Variants in PCDHGA10 observed in about 807,000 individuals in gnomAD.
PCDHGA10 encodes protocadherin gamma subfamily A, 10, also known as protocadherin gamma-A10.
A neutral mutation model predicts 59.5 loss-of-function variants in PCDHGA10; 42 were observed. That is an observed-to-expected ratio of 0.71 (90% CI 0.55 to 0.91). PCDHGA10 has a LOEUF of 0.91. PCDHGA10 is among the 40% of genes least tolerant of loss of function. The probability of loss-of-function intolerance (pLI) is 0.00; values close to 1 mark genes in which losing one functional copy is unlikely to be tolerated. For synonymous variants in PCDHGA10, 511 were observed against 517.2 expected (o/e 0.99, Z 0.16); for missense variants, 1,111 against 1,198.2 (o/e 0.93, Z 1.07).
chr5:141,471,112 G>A (rs1442344944), intron 1 of PCDHGA10, among the ~76,000 whole-genome samples: 3 of 147,914 alleles, frequency 2.0e-5, no homozygotes, highest in Non-Finnish European at 4.4e-5. Flanking sequence ...GCAGTGGTGC[G>A]ATCTTACCTT....
chr5:141,443,274 A>G (rs1259320198), intron 1 of PCDHGA10, among the ~76,000 whole-genome samples: 12 of 151,534 alleles, frequency 7.9e-5, no homozygotes, highest in African/African-American at 1.7e-4. Context: ...TGAGCCCAGG[A>G]GTTTGAGACC....
In PCDHGA10 at chr5:141,503,604, A is replaced by G. The variant is rs189211439; in HGVS notation, c.2496-1789A>G. 5.2e-3 allele frequency among the ~76,000 whole-genome samples: 793 copies of G among 151,946 alleles called. 3 individuals carry two copies. The highest frequency in any genetic ancestry group is 8.3e-3 in the Non-Finnish European group (566 of 67,924). On this transcript the variant is annotated intron_variant, in intron 2 of 3. Coordinates refer to ENST00000398610, the MANE Select transcript of PCDHGA10 (RefSeq NM_018913.3). ...ACAGAGCGAGACTCCAGCTCAAAAA[A>G]AAAAAAAAAAGAAAAAAGAAAAGAA...
In PCDHGA10 at chr5:141,491,707, G is replaced by A. The variant is rs1337506934; in HGVS notation, c.2437-3100G>A. ...GCTGCGGGAGCGGAGCCAGGTGAGG[G>A]GCTCGGCGCCGCCCCGGGCGACCCC... On this transcript the variant is annotated intron_variant, in intron 1 of 3. Transcript: ENST00000398610. The surrounding 1 kb of genome is among the most constrained non-coding windows in gnomAD (Gnocchi z 6.9). The A allele has an allele frequency of 6.2e-6, 10 of 1,610,604 alleles. No homozygotes were observed. Among genetic ancestry groups the A allele is most frequent in the Admixed American group, 1.7e-5 (1 of 59,554 alleles).
At chr5:141,441,747 G>A in intron 1 of PCDHGA10, 2 of 372,470 alleles carry the variant, frequency 5.4e-6, no homozygotes, top group Non-Finnish European at 5.4e-6. Flanking sequence ...CGCGCTCGGC[G>A]TCAACGTGAG....
At chr5:141,509,153 C>G (rs2099875485) in intron 3 of PCDHGA10, among the ~76,000 whole-genome samples, 2 of 152,190 alleles carry the variant, frequency 1.3e-5, no homozygotes, top group Non-Finnish European at 2.9e-5. Context: ...CGGCTCTCCC[C>G]TCCCGTGTGC....
intron 1 of PCDHGA10, chr5:141,478,259 T>G: frequency 6.2e-7 from 1 of 1,614,182 alleles, no homozygotes. Context: ...AGTAATCATA[T>G]TCAAAGTTTA....
rs561499055 is a variant in PCDHGA10 at position 141,423,745 on chromosome 5, C to G, written c.2436+8134C>G. 10 of 605,688 alleles carry G rather than the reference C, an allele frequency of 1.7e-5. No individual in the cohort carries two copies. The East Asian group carries it at 3.1e-4, about 19-fold the overall frequency. The allele number at this position is 605,688 out of a possible 1,614,324, so 37.5% of individuals were successfully genotyped here. A position where few individuals can be genotyped will look rare whatever the true frequency, so the allele number is the denominator to read the frequency against. The stretch of plus-strand genomic sequence containing the variant: ...ATGTTTTTTGAGCCTGTTATGAAAA[C>G]TGTTTGGGGGGGGGGTGGGGCGGCA... On this transcript the variant is annotated intron_variant, in intron 1 of 3. Coordinates refer to ENST00000398610, the MANE Select transcript of PCDHGA10 (RefSeq NM_018913.3).
At position 141,489,425 on chromosome 5, in the gene PCDHGA10, G is replaced by C. The variant is rs779739693; in HGVS notation, c.2437-5382G>C. On this transcript the variant is annotated intron_variant, in intron 1 of 3. Transcript: ENST00000398610. This position sits in a 1 kb window ranked among gnomAD's most constrained non-coding sequence, Gnocchi z 4.5. ...TTAAAGATGACAGATCTGTTGAGCC[G>C]GCGGCTGCAATTGGGCTCTGAGGAG... The C allele has an allele frequency of 4.3e-6, 7 of 1,614,118 alleles. No individual in the cohort carries two copies. The highest frequency in any genetic ancestry group is 1.1e-5 in the South Asian group (1 of 91,070).
chr5:141,472,132 A>C (rs1004365239), intron 1 of PCDHGA10, among the ~76,000 whole-genome samples: 3 of 152,272 alleles, frequency 2.0e-5, no homozygotes, highest in African/African-American at 7.2e-5. Flanking sequence ...GAGAAGTTAA[A>C]AATAAAAGTT....
Position 141,476,214 on chromosome 5 carries a change from T to C in PCDHGA10, c.2437-18593T>C, listed in dbSNP as rs768153063. 1 of 1,613,974 alleles carries C rather than the reference T, an allele frequency of 6.2e-7. No homozygotes were observed. Among genetic ancestry groups the C allele is most frequent in the African/African-American group, 1.3e-5 (1 of 74,990 alleles). ...GCCTTGAACAAGGCTTCCACGGTCA[T>C]TCACTATGAGATCCCGGAGGAAAGA... On this transcript the variant is annotated intron_variant, in intron 1 of 3. Coordinates refer to ENST00000398610, the MANE Select transcript of PCDHGA10 (RefSeq NM_018913.3). The surrounding 1 kb of genome is among the most constrained non-coding windows in gnomAD (Gnocchi z 7.6).
In PCDHGA10 at chr5:141,476,432, G is replaced by A. The variant is rs139089802; in HGVS notation, c.2437-18375G>A. 15 of 1,614,116 alleles carry A rather than the reference G, an allele frequency of 9.3e-6. No individual in the cohort carries two copies. The East Asian group carries it at 3.3e-4, about 36-fold the overall frequency. Reference sequence around the variant, plus strand: ...GTGTGGGACACTGCCCTCTTGCACTGTAACTCTGGAGTTGGTAGTGGAGAA... The same window carrying A: ...GTGTGGGACACTGCCCTCTTGCACTATAACTCTGGAGTTGGTAGTGGAGAA... On this transcript the variant is annotated intron_variant, in intron 1 of 3. Coordinates refer to ENST00000398610, the MANE Select transcript of PCDHGA10 (RefSeq NM_018913.3). The surrounding 1 kb of genome is among the most constrained non-coding windows in gnomAD (Gnocchi z 7.6).
intron 1 of PCDHGA10, among the ~76,000 whole-genome samples, chr5:141,438,581 TACATAC>T (rs2097977343): frequency 4.0e-5 from 2 of 49,846 alleles, no homozygotes; most frequent in Non-Finnish European, 6.5e-5. Flanking sequence ...TATACATACA[TACATAC>T]ATACATATAT....
rs2099425622 is a variant in PCDHGA10, at chr5:141,477,947, T to C, written c.2437-16860T>C. Reference sequence around the variant, plus strand: ...CAATGCCTGGCTCTCCTACAGTCTCTTGGGATCCCCTAACCAGAGCCTTTT... The same window carrying C: ...CAATGCCTGGCTCTCCTACAGTCTCCTGGGATCCCCTAACCAGAGCCTTTT... On this transcript the variant is annotated intron_variant, in intron 1 of 3. Coordinates refer to ENST00000398610, the MANE Select transcript of PCDHGA10 (RefSeq NM_018913.3). The surrounding 1 kb of genome is among the most constrained non-coding windows in gnomAD (Gnocchi z 4.9). 1.9e-6 allele frequency: 3 copies of C among 1,614,132 alleles called. No homozygotes were observed. Among genetic ancestry groups the C allele is most frequent in the Non-Finnish European group, 2.5e-6 (3 of 1,180,018 alleles).
intron 2 of PCDHGA10, among the ~76,000 whole-genome samples, chr5:141,504,748 T>A (rs979724181): frequency 7.2e-5 from 11 of 151,880 alleles, no homozygotes; most frequent in Non-Finnish European, 1.3e-4. Context: ...CCATTGAATT[T>A]TAGAAATTTC....
intron 1 of PCDHGA10, chr5:141,479,339 G>GTA (rs1298553162): frequency 1.3e-5 from 2 of 152,644 alleles, no homozygotes; most frequent in East Asian, 3.8e-4. Context: ...GTGTGCACCT[G>GTA]TAGTTCTTGC....
In PCDHGA10 at chr5:141,486,858, C is replaced by T. The variant is rs2099636039; in HGVS notation, c.2437-7949C>T. The T allele has an allele frequency of 2.5e-6, 4 of 1,614,246 alleles. No homozygotes were observed. The highest frequency in any genetic ancestry group is 1.1e-5 in the South Asian group (1 of 91,088). On this transcript the variant is annotated intron_variant, in intron 1 of 3. Transcript: ENST00000398610. The surrounding 1 kb of genome is among the most constrained non-coding windows in gnomAD (Gnocchi z 5.0). ...TTTGTGCTGGACCTCAATGACAATGCTCCAGCTGTGCTCCGTCCTCGGGCC... is the reference window on the plus strand; with the variant it reads ...TTTGTGCTGGACCTCAATGACAATGTTCCAGCTGTGCTCCGTCCTCGGGCC...
In PCDHGA10 at chr5:141,489,375, G is replaced by A. The variant is rs768190252; in HGVS notation, c.2437-5432G>A. The A allele has an allele frequency of 1.2e-5, 19 of 1,613,826 alleles. No individual in the cohort carries two copies. The Admixed American group carries it at 3.2e-4, about 27-fold the overall frequency. ...AGGAGTCTGAGCCGGGGACGCTGGT[G>A]GGGAATGTTGCTCAGGATCTGGGCT... On this transcript the variant is annotated intron_variant, in intron 1 of 3. Transcript: ENST00000398610. The surrounding 1 kb of genome is among the most constrained non-coding windows in gnomAD (Gnocchi z 4.5).
chr5:141,466,812 G>T (rs1394979761), intron 1 of PCDHGA10, among the ~76,000 whole-genome samples: 1 of 151,940 alleles, frequency 6.6e-6, no homozygotes, highest in African/African-American at 2.4e-5. Flanking sequence ...ATTCAGACAT[G>T]GTATAACAAG....
chr5:141,482,736 C>T (rs897817817), intron 1 of PCDHGA10, among the ~76,000 whole-genome samples: 6 of 152,056 alleles, frequency 3.9e-5, no homozygotes, highest in African/African-American at 1.2e-4. Context: ...GCAAGAAATT[C>T]CATGCAGAGG....
Sources: allele counts gnomAD v4.1 joint callset (sites outside exome capture counted in the v4.1 genomes callset), GRCh38; gene constraint gnomAD v4.1.1; non-coding constraint Gnocchi (gnomAD v3.1); transcripts MANE v1.5; gene names NCBI Gene and HGNC (gene_info 2026-07-23, HGNC 2026-07-21).